Variants in BMPR1B observed in about 807,000 individuals in gnomAD.
BMPR1B encodes the protein bone morphogenetic protein receptor type-1B.
A neutral mutation model predicts 59.1 loss-of-function variants in BMPR1B; 12 were observed. The observed-to-expected ratio is 0.20, with a 90% confidence interval of 0.13 to 0.33. The LOEUF is 0.33. BMPR1B is among the 10% of genes least tolerant of loss of function. The probability of loss-of-function intolerance (pLI) is 1.00; values close to 1 mark genes in which losing one functional copy is unlikely to be tolerated. For missense variants in BMPR1B, 550 were observed against 610.9 expected (o/e 0.90, Z 1.05); for synonymous variants, 237 against 207.3 (o/e 1.14, Z -1.23).
At chr4:94,847,168 C>T (rs1725367591) in intron 1 of BMPR1B, among the ~76,000 whole-genome samples, 1 of 152,044 alleles carries the variant, frequency 6.6e-6, no homozygotes, top group Admixed American at 6.5e-5. Flanking sequence ...AAATGGCAAA[C>T]AGGTATATAA....
At chr4:95,149,354 C>T (rs149371843) in intron 11 of BMPR1B, among the ~76,000 whole-genome samples, 11 of 152,226 alleles carry the variant, frequency 7.2e-5, no homozygotes, top group Non-Finnish European at 1.5e-4. Flanking sequence ...AATGTGGGGT[C>T]GGACACCCAT....
At chr4:95,117,559 G>A (rs1255813369) in intron 6 of BMPR1B, among the ~76,000 whole-genome samples, 1 of 151,972 alleles carries the variant, frequency 6.6e-6, no homozygotes. Flanking sequence ...AAAGTGGGAA[G>A]ATCGCCTGGG....
At chr4:94,759,394 T>C (rs533161162) in intron 1 of BMPR1B, among the ~76,000 whole-genome samples, 16 of 152,224 alleles carry the variant, frequency 1.1e-4, no homozygotes, top group Non-Finnish European at 2.1e-4. Flanking sequence ...AAGGCTCCAC[T>C]GGAAATGAGA....
At chr4:95,144,016 T>A (rs1009105395) in intron 10 of BMPR1B, among the ~76,000 whole-genome samples, 2 of 151,888 alleles carry the variant, frequency 1.3e-5, no homozygotes, top group Non-Finnish European at 2.9e-5. Context: ...TTTTTTTTTT[T>A]ACCCCTACAG....
At chr4:94,983,670 C>G (rs1373376897) in intron 2 of BMPR1B, among the ~76,000 whole-genome samples, 1 of 152,208 alleles carries the variant, frequency 6.6e-6, no homozygotes, top group African/African-American at 2.4e-5. Flanking sequence ...ACCACAGTGT[C>G]CCATATTAGA....
In BMPR1B at chr4:94,813,572, G is replaced by C. The variant is rs193172960; in HGVS notation, c.-183+55504G>C. On this transcript the variant is annotated intron_variant, in intron 1 of 12. Coordinates refer to ENST00000515059, the MANE Select transcript of BMPR1B (RefSeq NM_001203.3). ...TATCACTGGAATCGTGCAGGCTGTT[G>C]TCAGGCTCGATCTTGGCATTTTCTC... is the stretch of plus-strand genomic sequence containing the variant. 5.3e-5 allele frequency among the ~76,000 whole-genome samples: 8 copies of C among 152,280 alleles called. No individual in the cohort carries two copies. The East Asian group carries it at 1.5e-3, about 29-fold the overall frequency.
At chr4:95,097,325 T>C (rs1414021208) in intron 3 of BMPR1B, among the ~76,000 whole-genome samples, 1 of 151,604 alleles carries the variant, frequency 6.6e-6, no homozygotes, top group African/African-American at 2.4e-5. Flanking sequence ...AGTGACTTAT[T>C]TGATATAGTA....
chr4:94,768,495 AT>A (rs1171207420), intron 1 of BMPR1B, among the ~76,000 whole-genome samples: 12 of 151,950 alleles, frequency 7.9e-5, no homozygotes, highest in African/African-American at 2.9e-4. Flanking sequence ...TCACCTTCTC[AT>A]TTTTCCCTCC....
chr4:94,938,080 C>G (rs13136411), intron 2 of BMPR1B, among the ~76,000 whole-genome samples: 28 of 152,226 alleles, frequency 1.8e-4, no homozygotes, highest in African/African-American at 5.1e-4. Context: ...CTGATTCTAT[C>G]TGGGGTACAT....
intron 2 of BMPR1B, among the ~76,000 whole-genome samples, chr4:94,878,477 T>C (rs1048743043): frequency 6.6e-6 from 1 of 152,218 alleles, no homozygotes; most frequent in African/African-American, 2.4e-5. Flanking sequence ...ACTTTCCTTA[T>C]AGAATTAAAA....
chr4:94,834,199 C>T (rs983399538), intron 1 of BMPR1B, among the ~76,000 whole-genome samples: 3 of 152,146 alleles, frequency 2.0e-5, no homozygotes, highest in Non-Finnish European at 2.9e-5. Context: ...CGGTGAGTAT[C>T]AGCAGGTGAT....
intron 1 of BMPR1B, among the ~76,000 whole-genome samples, chr4:94,865,557 AT>A (rs777685139): frequency 9.3e-5 from 14 of 151,140 alleles, no homozygotes; most frequent in African/African-American, 3.4e-4. Flanking sequence ...CCCCTGGCTA[AT>A]TTTTTTTAAT....
At chr4:95,064,768 A>G (rs1390464234) in intron 3 of BMPR1B, among the ~76,000 whole-genome samples, 1 of 152,202 alleles carries the variant, frequency 6.6e-6, no homozygotes, top group Non-Finnish European at 1.5e-5. Flanking sequence ...GTGGCTGACA[A>G]TCACATGAAA....
intron 10 of BMPR1B, among the ~76,000 whole-genome samples, chr4:95,143,395 C>T (rs1039643851): frequency 2.0e-5 from 3 of 152,218 alleles, no homozygotes; most frequent in African/African-American, 7.2e-5. Context: ...TTCCCTGGCA[C>T]CTTCAGAGGA....
chr4:94,862,414 G>C (rs1243635676), intron 1 of BMPR1B, among the ~76,000 whole-genome samples: 3 of 151,286 alleles, frequency 2.0e-5, no homozygotes. Flanking sequence ...ACCTCCCAAA[G>C]TGCTGGGATT....
chr4:95,020,551 A>G (rs1052250497), intron 3 of BMPR1B, among the ~76,000 whole-genome samples: 3 of 148,788 alleles, frequency 2.0e-5, no homozygotes, highest in Non-Finnish European at 4.4e-5. Context: ...TGCGCTCCAG[A>G]CTGGTGACAG....
At chr4:94,841,555 C>G (rs1315710704) in intron 1 of BMPR1B, among the ~76,000 whole-genome samples, 1 of 151,428 alleles carries the variant, frequency 6.6e-6, no homozygotes, top group Non-Finnish European at 1.5e-5. Flanking sequence ...CTTTCTTTGA[C>G]TAGGAAAGGG....
chr4:94,911,207 G>C (rs1278486912), intron 2 of BMPR1B, among the ~76,000 whole-genome samples: 2 of 152,176 alleles, frequency 1.3e-5, no homozygotes, highest in Non-Finnish European at 2.9e-5. Flanking sequence ...AGGATACAGA[G>C]ATGAGTGAAA....
intron 2 of BMPR1B, among the ~76,000 whole-genome samples, chr4:94,894,328 A>G (rs1305298618): frequency 1.3e-5 from 2 of 152,046 alleles, no homozygotes; most frequent in Non-Finnish European, 2.9e-5. Context: ...CTGTTCTTGA[A>G]TAGTTTCTCC....
Sources: allele counts gnomAD v4.1 joint callset (sites outside exome capture counted in the v4.1 genomes callset), GRCh38; gene constraint gnomAD v4.1.1; transcripts MANE v1.5; gene names NCBI Gene and HGNC (gene_info 2026-07-23, HGNC 2026-07-21).